The following XKR6 variants were observed in gnomAD, a reference collection of about 807,000 sequenced individuals.
XKR6 encodes XK related 6.
In XKR6, 22 loss-of-function variants were observed where a neutral mutation model predicts 56.7. The ratio of observed to expected loss-of-function variants is 0.39; its 90% CI spans 0.28 to 0.55. The LOEUF (loss-of-function observed/expected upper bound fraction) is 0.55, where lower values mean the gene tolerates loss of function less well. Ranked by LOEUF, XKR6 falls within the 20% of genes least tolerant of loss-of-function variation. The pLI is 0.66. For synonymous variants in XKR6, 524 were observed against 387.8 expected, an observed-to-expected ratio of 1.35 and a Z score of -4.13; for missense variants, 852 against 889.0, an observed-to-expected ratio of 0.96 and a Z score of 0.53.
At chr8:11,042,428 G>T (rs926252604) in intron 1 of XKR6, among the ~76,000 whole-genome samples, 2 of 152,198 alleles carry the variant, frequency 1.3e-5, no homozygotes, top group South Asian at 4.2e-4. Context: ...TAGTGAGTGA[G>T]TTCTCATGAG....
At chr8:10,965,291 C>G (rs1052665774) in intron 1 of XKR6, among the ~76,000 whole-genome samples, 2 of 152,218 alleles carry the variant, frequency 1.3e-5, no homozygotes, top group Non-Finnish European at 2.9e-5. Flanking sequence ...GCAAGCAGGG[C>G]ACGTGCCCTC....
intron 1 of XKR6, among the ~76,000 whole-genome samples, chr8:11,135,782 T>A (rs751288157): frequency 3.3e-5 from 5 of 149,720 alleles, no homozygotes; most frequent in African/African-American, 4.9e-5. Flanking sequence ...CAGAAAAAAA[T>A]TTCATATAAA....
chr8:10,989,940 G>A (rs1797950637), intron 1 of XKR6, among the ~76,000 whole-genome samples: 2 of 152,176 alleles, frequency 1.3e-5, no homozygotes, highest in Admixed American at 1.3e-4. Context: ...ATCAGACGAA[G>A]TGTGTCATGC....
intron 1 of XKR6, among the ~76,000 whole-genome samples, chr8:11,083,986 A>G (rs1797807640): frequency 6.6e-6 from 1 of 152,200 alleles, no homozygotes; most frequent in Non-Finnish European, 1.5e-5. Context: ...TAAAAGAAAA[A>G]CATTAGGAAT....
At chr8:11,128,295 C>T (rs1343518135) in intron 1 of XKR6, among the ~76,000 whole-genome samples, 1 of 152,128 alleles carries the variant, frequency 6.6e-6, no homozygotes, top group Non-Finnish European at 1.5e-5. Context: ...CATCCAGGCT[C>T]AGTTCCCAGG....
intron 1 of XKR6, among the ~76,000 whole-genome samples, chr8:11,139,734 G>A (rs1185876517): frequency 1.3e-5 from 2 of 152,144 alleles, no homozygotes; most frequent in Non-Finnish European, 2.9e-5. Flanking sequence ...CAGCCGAAGG[G>A]GCTGTAACAG....
intron 1 of XKR6, among the ~76,000 whole-genome samples, chr8:11,054,410 G>A (rs190831243): frequency 8.5e-5 from 13 of 152,312 alleles, no homozygotes; most frequent in East Asian, 5.8e-4. Context: ...TCCATGTACC[G>A]GTGTTCAAGT....
intron 1 of XKR6, among the ~76,000 whole-genome samples, chr8:10,962,276 T>C (rs1802087165): frequency 6.6e-6 from 1 of 152,184 alleles, no homozygotes; most frequent in African/African-American, 2.4e-5. Flanking sequence ...TCAAGTCACA[T>C]AGTACAACTC....
chr8:11,075,875 C>T lies in XKR6; in HGVS notation c.764+124701G>A, dbSNP rs368953555. ...GCAACATAGCGAGACTCTGTCCCCC[C>T]GACCCAAAAAAAACGTAACTTGATC... On this transcript the variant is annotated intron_variant, in intron 1 of 2. Transcript: ENST00000416569. Among the ~76,000 whole-genome samples the T allele has an allele frequency of 1.1e-3, 171 of 151,986 alleles. 1 individual carries two copies. The highest frequency in any genetic ancestry group is 2.4e-3 in the African/African-American group (101 of 41,426).
chr8:11,077,977 G>T (rs73198910), intron 1 of XKR6, among the ~76,000 whole-genome samples: 43 of 152,260 alleles, frequency 2.8e-4, no homozygotes, highest in Non-Finnish European at 4.9e-4. Context: ...GGTTCTGGGT[G>T]GGCAGACCTG....
Position 10,924,687 on chromosome 8 carries a change from A to G in XKR6, c.908T>C (p.Leu303Pro). The change falls in exon 2 of 3, where the codon CTG becomes CCG. Residue 303 changes from leucine (L) to proline (P), a missense_variant. Transcript: ENST00000416569. ...LETFLESAPQLVLQLYIMLQK... is the reference protein window; with the variant it reads ...LETFLESAPQPVLQLYIMLQK... ...GAGCATGATGTAGAGCTGTAGCACC[A>G]GTTGGGGCGCGCTCTCCAGGAAGGT... 1 of 1,613,236 alleles carries G rather than the reference A, an allele frequency of 6.2e-7. No individual in the cohort carries two copies. Among genetic ancestry groups the G allele is most frequent in the South Asian group, 1.1e-5 (1 of 91,026 alleles).
chr8:10,984,732 C>CTATATA lies in XKR6; in HGVS notation c.765-59908_765-59903dup, dbSNP rs58774414. Among the ~76,000 whole-genome samples, 223 of 47,448 alleles carry CTATATA rather than the reference C, an allele frequency of 4.7e-3. 6 individuals carry two copies. Among genetic ancestry groups the CTATATA allele is most frequent in the African/African-American group, 0.013 (142 of 11,094 alleles). 31.1% of individuals were successfully genotyped at this position (47,448 alleles called of 152,430 possible). On this transcript the variant is annotated intron_variant, in intron 1 of 2. Coordinates refer to ENST00000416569, the MANE Select transcript of XKR6 (RefSeq NM_173683.4). ...TCTCTCTCTCTCTCTCTCTCTCTCTCTATATATATATATATATATATATAT... is the reference window on the plus strand; with the variant it reads ...TCTCTCTCTCTCTCTCTCTCTCTCTCTATATATATATATATATATATATATATATAT...
chr8:10,974,863 G>A (rs1347402304), intron 1 of XKR6, among the ~76,000 whole-genome samples: 1 of 152,186 alleles, frequency 6.6e-6, no homozygotes, highest in Non-Finnish European at 1.5e-5. Flanking sequence ...AGCCGGGGAA[G>A]GTGAAAAGGT....
At chr8:11,045,432 T>C (rs1160823476) in intron 1 of XKR6, among the ~76,000 whole-genome samples, 1 of 152,192 alleles carries the variant, frequency 6.6e-6, no homozygotes, top group Non-Finnish European at 1.5e-5. Flanking sequence ...CTGATTTTGA[T>C]TGTCCCAATA....
chr8:11,167,529 T>A (rs986835115), intron 1 of XKR6, among the ~76,000 whole-genome samples: 13 of 152,188 alleles, frequency 8.5e-5, no homozygotes, highest in Admixed American at 8.5e-4. Context: ...AAATGAGACA[T>A]GCAACACATG....
chr8:11,124,090 C>A, intron 1 of XKR6: 1 of 442,682 alleles, frequency 2.3e-6, no homozygotes, highest in Non-Finnish European at 4.6e-6. Flanking sequence ...TTCCTACTAA[C>A]ATACTATATT....
chr8:10,951,980 G>C (rs34031674), intron 1 of XKR6, among the ~76,000 whole-genome samples: 70,658 of 151,960 alleles, frequency 0.46, 17,814 homozygotes, highest in African/African-American at 0.65. Flanking sequence ...AGCTGGCTGA[G>C]AAAAAGCCAG....
At position 11,023,306 on chromosome 8, in the gene XKR6, C is replaced by G. The variant is rs80019683; in HGVS notation, c.765-98476G>C. Among the ~76,000 whole-genome samples the G allele has an allele frequency of 7.3e-3, 1,114 of 152,312 alleles. 13 individuals are homozygous for G. The highest frequency in any genetic ancestry group is 0.025 in the African/African-American group (1,049 of 41,558). ...GTTCTGCCCTGGAAGCAGTGAGGCA[C>G]CTCACAGGCCCCCGAAGTCATCTGA... On this transcript the variant is annotated intron_variant, in intron 1 of 2. Transcript: ENST00000416569.
At position 10,969,164 on chromosome 8, in the gene XKR6, G is replaced by A. The variant is rs563853461; in HGVS notation, c.765-44334C>T. On this transcript the variant is annotated intron_variant, in intron 1 of 2. Transcript: ENST00000416569. ...GGTCAGAGGTTGAGCCTGAGAACCG[G>A]TATTTTTTACAAGCACTGCAGGGAT... is the stretch of plus-strand genomic sequence containing the variant. 2.6e-5 allele frequency among the ~76,000 whole-genome samples: 4 copies of A among 152,256 alleles called. No individual in the cohort carries two copies. In the East Asian group the frequency reaches 7.7e-4, roughly 29 times the overall value.
Sources: allele counts gnomAD v4.1 joint callset (sites outside exome capture counted in the v4.1 genomes callset), GRCh38; gene constraint gnomAD v4.1.1; transcripts MANE v1.5; gene names NCBI Gene and HGNC (gene_info 2026-07-23, HGNC 2026-07-21).